ERBB4: variants seen among roughly 807,000 people sequenced by gnomAD.
ERBB4 encodes the protein receptor tyrosine-protein kinase erbB-4.
ERBB4 carries 42 observed loss-of-function variants against 158.0 expected under a neutral mutation model. The ratio of observed to expected loss-of-function variants is 0.27; its 90% CI spans 0.21 to 0.34. The LOEUF (loss-of-function observed/expected upper bound fraction) is 0.34, where lower values mean the gene tolerates loss of function less well. ERBB4 is among the 10% of genes least tolerant of loss of function. The probability of loss-of-function intolerance (pLI) is 1.00; values close to 1 mark genes in which losing one functional copy is unlikely to be tolerated. For missense variants in ERBB4, 1,333 were observed against 1,624.1 expected (o/e 0.82, Z 3.08); for synonymous variants, 583 against 558.7 (o/e 1.04, Z -0.61).
intron 2 of ERBB4, among the ~76,000 whole-genome samples, chr2:212,009,170 ATAT>A (rs2076326467): frequency 6.6e-6 from 1 of 152,122 alleles, no homozygotes; most frequent in African/African-American, 2.4e-5. Context: ...CCCCAAAAAG[ATAT>A]TTCTACCTGG....
chr2:212,066,467 A>C (rs2077951054), intron 2 of ERBB4, among the ~76,000 whole-genome samples: 2 of 152,068 alleles, frequency 1.3e-5, no homozygotes, highest in African/African-American at 4.8e-5. Context: ...GATATGATGA[A>C]TTCTAAAAGA....
chr2:211,502,737 A>T (rs2065648225), intron 20 of ERBB4, among the ~76,000 whole-genome samples: 1 of 152,170 alleles, frequency 6.6e-6, no homozygotes, highest in Non-Finnish European at 1.5e-5. Flanking sequence ...TCATTTAAGG[A>T]TTTATAATCT....
intron 3 of ERBB4, among the ~76,000 whole-genome samples, chr2:211,807,460 A>T (rs1467984645): frequency 1.3e-5 from 2 of 152,200 alleles, no homozygotes; most frequent in African/African-American, 4.8e-5. Flanking sequence ...ATGTCCCTAC[A>T]AAGGACGTGA....
At chr2:212,184,272 T>C (rs1310129186) in intron 1 of ERBB4, among the ~76,000 whole-genome samples, 1 of 152,062 alleles carries the variant, frequency 6.6e-6, no homozygotes, top group African/African-American at 2.4e-5. Context: ...CACCAAATCT[T>C]AACCTAATCA....
chr2:212,510,205 GTA>G (rs10556403), intron 1 of ERBB4, among the ~76,000 whole-genome samples: 3,074 of 130,362 alleles, frequency 0.024, 65 homozygotes, highest in African/African-American at 0.048. Flanking sequence ...TAACCACACA[GTA>G]TATATATATA....
At chr2:211,399,215 T>G (rs539200896) in intron 25 of ERBB4, among the ~76,000 whole-genome samples, 15 of 152,368 alleles carry the variant, frequency 9.8e-5, no homozygotes, top group Non-Finnish European at 1.9e-4. Flanking sequence ...ATTCTGTTTA[T>G]TTCATCAGTG....
intron 2 of ERBB4, among the ~76,000 whole-genome samples, chr2:211,957,463 G>T (rs1406590353): frequency 1.3e-5 from 2 of 152,136 alleles, no homozygotes; most frequent in Admixed American, 6.6e-5. Context: ...CACCCAGTCT[G>T]TGGTACTTTG....
intron 1 of ERBB4, among the ~76,000 whole-genome samples, chr2:212,160,275 T>C (rs534798719): frequency 6.6e-6 from 1 of 152,050 alleles, no homozygotes; most frequent in African/African-American, 2.4e-5. Flanking sequence ...GTATGATAGC[T>C]GTAAACTCAG....
At chr2:212,429,091 G>C (rs553953675) in intron 1 of ERBB4, 1 of 152,396 alleles carries the variant, frequency 6.6e-6, no homozygotes, top group South Asian at 2.1e-4. Flanking sequence ...ATTTGAGCTG[G>C]CATTAGCCCC....
At chr2:211,959,498 T>C (rs1025393020) in intron 2 of ERBB4, among the ~76,000 whole-genome samples, 1 of 151,996 alleles carries the variant, frequency 6.6e-6, no homozygotes, top group Non-Finnish European at 1.5e-5. Context: ...GAAAAAAAAA[T>C]GCATTTTTCT....
intron 2 of ERBB4, among the ~76,000 whole-genome samples, chr2:211,952,307 G>A (rs1380528882): frequency 6.6e-6 from 1 of 152,006 alleles, no homozygotes; most frequent in Non-Finnish European, 1.5e-5. Context: ...ACAATTACAG[G>A]AAACAAGTTA....
intron 1 of ERBB4, among the ~76,000 whole-genome samples, chr2:212,192,192 GATAT>G (rs1040876338): frequency 9.2e-6 from 1 of 108,882 alleles, no homozygotes; most frequent in African/African-American, 3.3e-5. Context: ...TATAATATTA[GATAT>G]ATATATTCTT....
intron 3 of ERBB4, among the ~76,000 whole-genome samples, chr2:211,845,367 G>C (rs2077564217): frequency 6.6e-6 from 1 of 151,888 alleles, no homozygotes; most frequent in South Asian, 2.1e-4. Context: ...AGCCATCCTA[G>C]GCAGGCAAAA....
intron 2 of ERBB4, among the ~76,000 whole-genome samples, chr2:212,028,545 T>C (rs2076827548): frequency 6.6e-6 from 1 of 152,136 alleles, no homozygotes; most frequent in African/African-American, 2.4e-5. Context: ...AAAGTACTTT[T>C]GTTTCGTTGT....
chr2:212,140,418 T>TATGTTATATATATATAC (rs1465446061), intron 1 of ERBB4, among the ~76,000 whole-genome samples: 3 of 142,488 alleles, frequency 2.1e-5, no homozygotes, highest in Non-Finnish European at 4.5e-5. Flanking sequence ...TATTTATATA[T>TATGTTATATATATATAC]ATGTTATATA....
chr2:212,426,972 A>T (rs2091927366), intron 1 of ERBB4, among the ~76,000 whole-genome samples: 1 of 152,154 alleles, frequency 6.6e-6, no homozygotes, highest in Non-Finnish European at 1.5e-5. Context: ...GCTACAGGAT[A>T]AGTTTTAAAA....
intron 20 of ERBB4, among the ~76,000 whole-genome samples, chr2:211,511,059 A>C (rs1418505473): frequency 6.6e-6 from 1 of 152,064 alleles, no homozygotes; most frequent in African/African-American, 2.4e-5. Context: ...AGAGGTAAGA[A>C]TGCTTATTGG....
intron 4 of ERBB4, among the ~76,000 whole-genome samples, chr2:211,773,635 T>TATATATATATATA (rs1559506410): frequency 9.9e-6 from 1 of 101,074 alleles, no homozygotes; most frequent in African/African-American, 3.9e-5. Flanking sequence ...TATATATATA[T>TATATATATATATA]ATATATATAT....
chr2:212,092,708 G>A (rs2078815508), intron 2 of ERBB4, among the ~76,000 whole-genome samples: 1 of 152,080 alleles, frequency 6.6e-6, no homozygotes. Context: ...TTTCTTAGTG[G>A]AAGTAATTTT....
Sources: allele counts gnomAD v4.1 joint callset (sites outside exome capture counted in the v4.1 genomes callset), GRCh38; gene constraint gnomAD v4.1.1; transcripts MANE v1.5; gene names NCBI Gene and HGNC (gene_info 2026-07-23, HGNC 2026-07-21).